KCNH7: variants seen among roughly 807,000 people sequenced by gnomAD.
KCNH7 encodes voltage-gated inwardly rectifying potassium channel KCNH7.
KCNH7 carries 49 observed loss-of-function variants against 120.8 expected under a neutral mutation model. The ratio of observed to expected loss-of-function variants is 0.41; its 90% CI spans 0.32 to 0.51. The LOEUF is 0.51. Ranked by LOEUF, KCNH7 falls within the 20% of genes least tolerant of loss-of-function variation. The probability of loss-of-function intolerance (pLI) is 0.38; values close to 1 mark genes in which losing one functional copy is unlikely to be tolerated. For synonymous variants in KCNH7, 547 were observed against 516.1 expected (o/e 1.06, Z -0.81); for missense variants, 1,097 against 1,446.6 (o/e 0.76, Z 3.92).
At chr2:162,584,627 C>T (rs1402087314) in intron 2 of KCNH7, among the ~76,000 whole-genome samples, 1 of 151,962 alleles carries the variant, frequency 6.6e-6, no homozygotes, top group East Asian at 1.9e-4. Flanking sequence ...GAGAACTCAC[C>T]CTTTAGTCTT....
At chr2:162,658,285 T>A (rs939656423) in intron 2 of KCNH7, among the ~76,000 whole-genome samples, 4 of 152,116 alleles carry the variant, frequency 2.6e-5, no homozygotes, top group East Asian at 3.9e-4. Context: ...GCTCCTTTGT[T>A]AAAGGATAGG....
At chr2:162,423,145 G>A in intron 9 of KCNH7, 191 bp downstream of exon 9, 5 of 1,198,028 alleles carry the variant, frequency 4.2e-6, no homozygotes, top group Non-Finnish European at 5.8e-6. Context: ...TTGCCACACA[G>A]TATAACTAGA....
chr2:162,730,323 G>T (rs1364695326), intron 2 of KCNH7, among the ~76,000 whole-genome samples: 2 of 150,452 alleles, frequency 1.3e-5, no homozygotes, highest in Admixed American at 6.6e-5. Flanking sequence ...ATAAGTAAAA[G>T]AAATTTCAAG....
intron 9 of KCNH7, among the ~76,000 whole-genome samples, chr2:162,409,652 C>A (rs956553485): frequency 6.6e-6 from 1 of 151,898 alleles, no homozygotes; most frequent in Non-Finnish European, 1.5e-5. Context: ...TCTGTCTTTG[C>A]AGACGATATG....
chr2:162,779,383 T>C (rs999998458), intron 2 of KCNH7, among the ~76,000 whole-genome samples: 17 of 152,060 alleles, frequency 1.1e-4, no homozygotes, highest in Non-Finnish European at 2.2e-4. Flanking sequence ...GTATTTTTAG[T>C]AGAGACGGGG....
chr2:162,511,024 CTT>C (rs1413162314), intron 5 of KCNH7, among the ~76,000 whole-genome samples: 2 of 151,676 alleles, frequency 1.3e-5, no homozygotes, highest in African/African-American at 4.8e-5. Flanking sequence ...CAAATTCTGA[CTT>C]TGATGATTCT....
chr2:162,485,132 C>G (rs551966457), intron 6 of KCNH7, among the ~76,000 whole-genome samples: 27 of 152,238 alleles, frequency 1.8e-4, no homozygotes, highest in African/African-American at 6.5e-4. Context: ...CAGAATGGAA[C>G]AAAATTACCT....
In KCNH7 at chr2:162,431,281, C is replaced by T. The variant is rs558440650; in HGVS notation, c.1954+3917G>A. Among the ~76,000 whole-genome samples, 12 of 152,012 alleles carry T rather than the reference C, an allele frequency of 7.9e-5. 1 individual carries two copies. The South Asian group carries it at 2.3e-3, about 29-fold the overall frequency. ...TGCTGAGAAAGTTCAACCTGATAAC[C>T]ACAATAGTTGTAATTAGCACATATA... On this transcript the variant is annotated intron_variant, in intron 8 of 15. Coordinates refer to ENST00000332142, the MANE Select transcript of KCNH7 (RefSeq NM_033272.4).
intron 6 of KCNH7, 22 bp downstream of exon 6, chr2:162,504,421 T>G: frequency 6.4e-7 from 1 of 1,557,762 alleles, no homozygotes; most frequent in South Asian, 1.1e-5. Context: ...CAGTTGAAAT[T>G]GATAAGAAAA....
intron 2 of KCNH7, among the ~76,000 whole-genome samples, chr2:162,810,835 C>A (rs1054276387): frequency 6.6e-6 from 1 of 151,972 alleles, no homozygotes; most frequent in Non-Finnish European, 1.5e-5. Flanking sequence ...AACTTAGTGT[C>A]CTAGTTTATC....
intron 2 of KCNH7, among the ~76,000 whole-genome samples, chr2:162,813,492 TC>T (rs2105574051): frequency 6.6e-6 from 1 of 152,262 alleles, no homozygotes; most frequent in Admixed American, 6.5e-5. Context: ...ACTTCTAAAA[TC>T]TTTGGGTTAG....
chr2:162,622,710 C>T (rs1029063492), intron 2 of KCNH7, among the ~76,000 whole-genome samples: 1 of 152,038 alleles, frequency 6.6e-6, no homozygotes, highest in African/African-American at 2.4e-5. Flanking sequence ...CACTAAGAGG[C>T]CAGTTGCAAC....
intron 2 of KCNH7, among the ~76,000 whole-genome samples, chr2:162,817,452 T>A (rs1259220226): frequency 1.3e-5 from 2 of 152,156 alleles, no homozygotes; most frequent in African/African-American, 4.8e-5. Flanking sequence ...ACTTAATTTA[T>A]CTATTAACCT....
intron 2 of KCNH7, among the ~76,000 whole-genome samples, chr2:162,550,347 C>T (rs1692627709): frequency 6.6e-6 from 1 of 152,144 alleles, no homozygotes; most frequent in Non-Finnish European, 1.5e-5. Flanking sequence ...AGAGAAGGTG[C>T]TACACGGATT....
chr2:162,759,729 G>A (rs1167950337), intron 2 of KCNH7, among the ~76,000 whole-genome samples: 3 of 151,800 alleles, frequency 2.0e-5, no homozygotes, highest in South Asian at 4.2e-4. Context: ...CAGAGGAAGA[G>A]AGGAAAGAGT....
chr2:162,706,071 G>C (rs1469614043), intron 2 of KCNH7, among the ~76,000 whole-genome samples: 9 of 152,120 alleles, frequency 5.9e-5, no homozygotes, highest in Admixed American at 5.9e-4. Flanking sequence ...TCACAGCAGA[G>C]TGCTCTGCTA....
chr2:162,789,801 C>T (rs1410691961), intron 2 of KCNH7, among the ~76,000 whole-genome samples: 2 of 151,660 alleles, frequency 1.3e-5, no homozygotes, highest in South Asian at 2.1e-4. Context: ...TATCTTGAGA[C>T]AAAAATGAAA....
At chr2:162,749,317 A>C (rs1688460731) in intron 2 of KCNH7, among the ~76,000 whole-genome samples, 1 of 152,054 alleles carries the variant, frequency 6.6e-6, no homozygotes, top group Admixed American at 6.6e-5. Context: ...AATGGGATAC[A>C]AAGCAGAAAA....
intron 2 of KCNH7, among the ~76,000 whole-genome samples, chr2:162,745,742 A>T (rs982405189): frequency 1.0e-3 from 153 of 152,162 alleles, no homozygotes; most frequent in Non-Finnish European, 1.9e-3. Flanking sequence ...ACCAAAATTT[A>T]AAAAAAGGTA....
Sources: allele counts gnomAD v4.1 joint callset (sites outside exome capture counted in the v4.1 genomes callset), GRCh38; gene constraint gnomAD v4.1.1; transcripts MANE v1.5; gene names NCBI Gene and HGNC (gene_info 2026-07-23, HGNC 2026-07-21).